The following ANKRD26 variants were observed in gnomAD, a reference collection of about 807,000 sequenced individuals.
ANKRD26 encodes the protein ankyrin repeat domain-containing protein 26.
In ANKRD26, 141 loss-of-function variants were observed where a neutral mutation model predicts 208.7. That is an observed-to-expected ratio of 0.68 (90% CI 0.59 to 0.78). ANKRD26 has a LOEUF of 0.78. Among genes scored for constraint, ANKRD26 ranks in the 30% least tolerant of loss-of-function variants. The probability of loss-of-function intolerance (pLI) is 0.00; values close to 1 mark genes in which losing one functional copy is unlikely to be tolerated. For synonymous variants in ANKRD26, 636 were observed against 660.4 expected (o/e 0.96, Z 0.57); for missense variants, 1,889 against 1,938.7 (o/e 0.97, Z 0.48).
rs747789834 is a variant in ANKRD26 at position 27,092,524 on chromosome 10, C to G, written c.532-12G>C. 1.9e-6 allele frequency: 3 copies of G among 1,590,374 alleles called. No homozygotes were observed. In the South Asian group the frequency reaches 3.3e-5, roughly 18 times the overall value. On this transcript the variant is annotated splice_polypyrimidine_tract_variant and intron_variant, in intron 3 of 33. Transcript: ENST00000376087. The stretch of plus-strand genomic sequence containing the variant: ...GGTGTGAGGTCATCCTGTAAGACAG[C>G]AAAAACAAGTTAAAATGCATAAAAT...
downstream of ANKRD26, among the ~76,000 whole-genome samples, chr10:26,987,374 T>C (rs982923958): frequency 1.3e-5 from 2 of 152,226 alleles, no homozygotes; most frequent in Non-Finnish European, 2.9e-5. Flanking sequence ...GGCACATGTA[T>C]ACATATGTAA....
chr10:26,987,385 C>A (rs1455072051), downstream of ANKRD26, among the ~76,000 whole-genome samples: 2 of 152,178 alleles, frequency 1.3e-5, no homozygotes, highest in Admixed American at 1.3e-4. Flanking sequence ...ACATATGTAA[C>A]AAACCTGCAC....
At chr10:26,950,262 GCT>G in the ANKRD26 span, among the ~76,000 whole-genome samples, 1 of 151,844 alleles carries the variant, frequency 6.6e-6, no homozygotes, top group South Asian at 2.1e-4. Flanking sequence ...TTTCCTCTTT[GCT>G]CTCTCTCTCT....
chr10:26,999,146 G>C (rs2052662754), downstream of ANKRD26, among the ~76,000 whole-genome samples: 1 of 152,258 alleles, frequency 6.6e-6, no homozygotes, highest in Non-Finnish European at 1.5e-5. Context: ...TTTAGTTTTT[G>C]TGCATGCCTT....
downstream of ANKRD26, among the ~76,000 whole-genome samples, chr10:27,000,017 T>C (rs140795956): frequency 1.7e-3 from 259 of 152,190 alleles, no homozygotes; most frequent in African/African-American, 5.8e-3. Context: ...TACCTAGCAA[T>C]GGGGCCCAGA....
At chr10:27,083,189 C>A (rs945178598) in intron 5 of ANKRD26, among the ~76,000 whole-genome samples, 2 of 152,032 alleles carry the variant, frequency 1.3e-5, no homozygotes, top group African/African-American at 4.8e-5. Context: ...CTCTCTTCTG[C>A]CTTTGCCTTA....
the ANKRD26 span, among the ~76,000 whole-genome samples, chr10:26,965,287 T>C: frequency 1.3e-5 from 2 of 152,142 alleles, no homozygotes; most frequent in South Asian, 2.1e-4. Context: ...AACAGAGATA[T>C]AGACCAATGG....
At chr10:26,962,991 A>T in the ANKRD26 span, among the ~76,000 whole-genome samples, 11,753 of 152,154 alleles carry the variant, frequency 0.077, 1,075 homozygotes, top group African/African-American at 0.22. Flanking sequence ...TCTTGCTGCA[A>T]CCCTACTCGG....
At chr10:27,080,007 A>C in intron 6 of ANKRD26, 1 of 368,716 alleles carries the variant, frequency 2.7e-6, no homozygotes. Flanking sequence ...AATACAAAGA[A>C]TTAGCTGGGT....
intron 12 of ANKRD26, among the ~76,000 whole-genome samples, chr10:27,063,505 G>C (rs1227840079): frequency 6.6e-6 from 1 of 151,978 alleles, no homozygotes; most frequent in Non-Finnish European, 1.5e-5. Context: ...ATTTTTAGTA[G>C]AGACAGGGTT....
intron 32 of ANKRD26, among the ~76,000 whole-genome samples, chr10:27,011,048 T>G (rs1186421439): frequency 6.6e-6 from 1 of 152,220 alleles, no homozygotes; most frequent in Non-Finnish European, 1.5e-5. Flanking sequence ...CTTGGTCTTC[T>G]ATGATTTGTT....
At position 27,071,380 on chromosome 10, in the gene ANKRD26, TG is replaced by T. The variant is rs1277441246; in HGVS notation, c.1078-4095del. ...TAGTAGGGACGGGGTTTCACCGTGT[TG>T]GCCAGGATGGTCTCGATCTCCTGAC... On this transcript the variant is annotated intron_variant, in intron 9 of 33. Transcript: ENST00000376087. 4.6e-5 allele frequency among the ~76,000 whole-genome samples: 7 copies of T among 151,598 alleles called. No individual in the cohort carries two copies. The East Asian group carries it at 1.4e-3, about 30-fold the overall frequency.
At position 27,077,625 on chromosome 10, in the gene ANKRD26, C is replaced by T. The variant is rs377114195; in HGVS notation, c.874+8G>A. Reference sequence around the variant, plus strand: ...AACACAAGAATAAGCAGTTTTCAAACAGCTTACAATTTTTCCTGGATTGCT... The same window carrying T: ...AACACAAGAATAAGCAGTTTTCAAATAGCTTACAATTTTTCCTGGATTGCT... On this transcript the variant is annotated splice_region_variant and intron_variant, in intron 8 of 33. Coordinates refer to ENST00000376087, the MANE Select transcript of ANKRD26 (RefSeq NM_014915.3). The T allele has an allele frequency of 1.3e-5, 21 of 1,613,288 alleles. No homozygotes were observed. Among genetic ancestry groups the T allele is most frequent in the Middle Eastern group, 1.7e-4 (1 of 5,956 alleles).
At chr10:27,044,304 T>C in intron 18 of ANKRD26, 114 bp from the exon 19 acceptor site, 1 of 956,436 alleles carries the variant, frequency 1.0e-6, no homozygotes, top group South Asian at 1.7e-5. Context: ...TTTACCCTAT[T>C]CATAAAGTTT....
At chr10:27,048,718 T>G in intron 17 of ANKRD26, 83 bp downstream of exon 17, 3 of 1,425,542 alleles carry the variant, frequency 2.1e-6, no homozygotes, top group Non-Finnish European at 2.9e-6. Context: ...AGTATAAAAT[T>G]TATTAATCAT....
intron 5 of ANKRD26, among the ~76,000 whole-genome samples, chr10:26,977,587 C>T (rs1205937171): frequency 1.3e-5 from 2 of 152,282 alleles, no homozygotes; most frequent in East Asian, 3.9e-4. Context: ...AGGCACTGTA[C>T]TAATGCACGT....
chr10:27,039,012 G>A (rs1222910954), intron 21 of ANKRD26, among the ~76,000 whole-genome samples: 1 of 152,066 alleles, frequency 6.6e-6, no homozygotes, highest in African/African-American at 2.4e-5. Context: ...AACAAAACAG[G>A]ATCTAATATT....
chr10:26,998,139 G>C (rs1324954654), intron 4 of ANKRD26, among the ~76,000 whole-genome samples: 1 of 152,170 alleles, frequency 6.6e-6, no homozygotes, highest in Non-Finnish European at 1.5e-5. Context: ...CAATTTACTA[G>C]GGTGGCTAAA....
intron 9 of ANKRD26, among the ~76,000 whole-genome samples, chr10:27,071,425 C>T (rs1253558770): frequency 6.6e-6 from 1 of 151,266 alleles, no homozygotes; most frequent in Non-Finnish European, 1.5e-5. Flanking sequence ...CCGCCCGCCT[C>T]GGCTTGCCAA....
Sources: gnomAD v4.1 joint callset for allele counts (sites outside exome capture counted in the v4.1 genomes callset) on GRCh38, gnomAD v4.1.1 for gene constraint, MANE v1.5 for transcripts, NCBI Gene and HGNC (gene_info 2026-07-23, HGNC 2026-07-21) for gene names.